Variants in CLMN observed in about 807,000 individuals in gnomAD.
CLMN encodes calmin, also known as calmin (calponin-like, transmembrane).
In CLMN, 57 loss-of-function variants were observed where a neutral mutation model predicts 92.7. The ratio of observed to expected loss-of-function variants is 0.61; its 90% CI spans 0.50 to 0.77. The LOEUF (loss-of-function observed/expected upper bound fraction) is 0.77, where lower values mean the gene tolerates loss of function less well. Among genes scored for constraint, CLMN ranks in the 30% least tolerant of loss-of-function variants. The pLI, the probability that CLMN is intolerant of heterozygous loss-of-function variation, is 0.00. For synonymous variants in CLMN, 466 were observed against 470.6 expected, an observed-to-expected ratio of 0.99 and a Z score of 0.13; for missense variants, 1,158 against 1,237.5, an observed-to-expected ratio of 0.94 and a Z score of 0.96.
At chr14:95,264,305 G>A (rs1391754068) in intron 1 of CLMN, among the ~76,000 whole-genome samples, 1 of 152,132 alleles carries the variant, frequency 6.6e-6, no homozygotes, top group African/African-American at 2.4e-5. Context: ...AAAGTGCTGA[G>A]ATTATAGGCA....
At chr14:95,210,958 C>T (rs971622328) in intron 6 of CLMN, 79 bp from the exon 7 acceptor site, 33 of 1,441,424 alleles carry the variant, frequency 2.3e-5, no homozygotes, top group Admixed American at 8.1e-5. Context: ...ATGCAGCAGC[C>T]GCGTGAGTTT....
intron 9 of CLMN, among the ~76,000 whole-genome samples, chr14:95,200,107 C>A (rs1317796714): frequency 6.6e-6 from 1 of 152,144 alleles, no homozygotes; most frequent in Non-Finnish European, 1.5e-5. Context: ...TCTGAAATAG[C>A]TGGTCACTTT....
intron 1 of CLMN, among the ~76,000 whole-genome samples, chr14:95,254,284 G>A (rs1013107861): frequency 6.6e-6 from 1 of 152,208 alleles, no homozygotes; most frequent in East Asian, 1.9e-4. Context: ...ACTAGACAGC[G>A]GGTGCAGCCA....
intron 9 of CLMN, among the ~76,000 whole-genome samples, chr14:95,200,362 C>CT (rs571723480): frequency 2.6e-4 from 40 of 152,274 alleles, no homozygotes; most frequent in Admixed American, 2.0e-3. Flanking sequence ...GATTTTCCTT[C>CT]TTTTTTTATC....
At chr14:95,243,680 C>A (rs1595616952) in intron 1 of CLMN, among the ~76,000 whole-genome samples, 1 of 146,562 alleles carries the variant, frequency 6.8e-6, no homozygotes, top group African/African-American at 2.5e-5. Flanking sequence ...TAAAATTTTT[C>A]AATAGATCAA....
intron 1 of CLMN, among the ~76,000 whole-genome samples, chr14:95,274,713 G>C (rs1899855177): frequency 1.3e-5 from 2 of 152,190 alleles, no homozygotes; most frequent in African/African-American, 4.8e-5. Flanking sequence ...GGGCGCGGTG[G>C]CTCACGCCTG....
At chr14:95,246,333 C>G (rs1193447561) in intron 1 of CLMN, among the ~76,000 whole-genome samples, 2 of 152,212 alleles carry the variant, frequency 1.3e-5, no homozygotes, top group Non-Finnish European at 2.9e-5. Context: ...ACCTGCCTCT[C>G]CCATTCCTTC....
chr14:95,311,638 A>G (rs1050135979), intron 1 of CLMN, among the ~76,000 whole-genome samples: 3 of 152,186 alleles, frequency 2.0e-5, no homozygotes, highest in Non-Finnish European at 4.4e-5. Flanking sequence ...CAGAAATAAA[A>G]GGTGAAGGTC....
chr14:95,232,013 G>A (rs1897904475), intron 1 of CLMN, among the ~76,000 whole-genome samples: 2 of 152,228 alleles, frequency 1.3e-5, no homozygotes, highest in African/African-American at 4.8e-5. Flanking sequence ...TAATAGTAAG[G>A]TTATCATTTC....
chr14:95,240,484 G>C (rs931780677), intron 1 of CLMN, among the ~76,000 whole-genome samples: 16 of 152,144 alleles, frequency 1.1e-4, no homozygotes, highest in Non-Finnish European at 2.1e-4. Context: ...CTGGAGGGGA[G>C]ACAGAACCAT....
Position 95,301,115 on chromosome 14 carries a change from C to T in CLMN, c.82+18596G>A, listed in dbSNP as rs187434586. On this transcript the variant is annotated intron_variant, in intron 1 of 12. Coordinates refer to ENST00000298912, the MANE Select transcript of CLMN (RefSeq NM_024734.4). ...GATTCTTCCCACAACTGGAGAGTATCGGGTTATAATGGACACAATTCACAG... is the reference window on the plus strand; with the variant it reads ...GATTCTTCCCACAACTGGAGAGTATTGGGTTATAATGGACACAATTCACAG... Among the ~76,000 whole-genome samples the T allele has an allele frequency of 1.1e-3, 160 of 152,284 alleles. 1 individual carries two copies. The highest frequency in any genetic ancestry group is 2.0e-3 in the Non-Finnish European group (134 of 68,014).
chr14:95,209,972 G>T (rs1165382745), intron 7 of CLMN, among the ~76,000 whole-genome samples: 4 of 152,204 alleles, frequency 2.6e-5, no homozygotes, highest in Non-Finnish European at 5.9e-5. Flanking sequence ...TATTTACTAA[G>T]ATGTTCACTG....
chr14:95,311,711 C>T (rs1901549323), intron 1 of CLMN, among the ~76,000 whole-genome samples: 1 of 152,166 alleles, frequency 6.6e-6, no homozygotes, highest in African/African-American at 2.4e-5. Context: ...TGGCTTCCGT[C>T]CTGCTGAGGA....
rs1211216536 is a variant in CLMN at position 95,213,265 on chromosome 14, T to C, written c.562A>G (p.Lys188Glu). 6.2e-7 allele frequency: 1 copy of C among 1,613,936 alleles called. No homozygotes were observed. The highest frequency in any genetic ancestry group is 8.5e-7 in the Non-Finnish European group (1 of 1,179,996). Residue 188 changes from lysine (K) to glutamate (E), a missense_variant, in exon 6 of 13, where the codon AAG (lysine) becomes GAG (glutamate). Transcript: ENST00000298912. ...CACGCCAACAGGGCCTTGATAGCCT[T>C]CCTCTGGTCTTTCACCGATATTGCC... ...SVAISVKDQR[K>E]AIKALLAWVQ...
intron 2 of CLMN, among the ~76,000 whole-genome samples, chr14:95,225,779 A>AG (rs1027602495): frequency 1.6e-4 from 24 of 152,096 alleles, no homozygotes; most frequent in Non-Finnish European, 3.1e-4. Context: ...TAGAGTGTGG[A>AG]GGGGGGCCTG....
intron 1 of CLMN, among the ~76,000 whole-genome samples, chr14:95,306,088 C>G (rs1030610522): frequency 7.9e-5 from 12 of 152,172 alleles, no homozygotes; most frequent in African/African-American, 2.9e-4. Flanking sequence ...AGCAGGAGAT[C>G]TGACCCAGGA....
At chr14:95,193,691 A>C (rs1340982639) in intron 12 of CLMN, among the ~76,000 whole-genome samples, 158 bp downstream of exon 12, 1 of 152,218 alleles carries the variant, frequency 6.6e-6, no homozygotes, top group Non-Finnish European at 1.5e-5. Flanking sequence ...TTCAATTTAC[A>C]TCATTTTCTC....
intron 1 of CLMN, among the ~76,000 whole-genome samples, chr14:95,242,575 T>TAATGTACCCCAGGTGA (rs1898293928): frequency 1.7e-5 from 2 of 119,846 alleles, no homozygotes; most frequent in African/African-American, 4.6e-5. Context: ...TCTCTTTTTC[T>TAATGTACCCCAGGTGA]TTTTTTTTGA....
intron 1 of CLMN, among the ~76,000 whole-genome samples, chr14:95,290,524 G>C (rs1209970802): frequency 2.0e-5 from 3 of 152,306 alleles, no homozygotes; most frequent in African/African-American, 7.2e-5. Flanking sequence ...AGACGCTGCT[G>C]GCTTTGAAGA....
Sources: allele counts gnomAD v4.1 joint callset (sites outside exome capture counted in the v4.1 genomes callset), GRCh38; gene constraint gnomAD v4.1.1; transcripts MANE v1.5; gene names NCBI Gene and HGNC (gene_info 2026-07-23, HGNC 2026-07-21).